METTL8: variants seen among roughly 807,000 people sequenced by gnomAD.
METTL8 encodes the protein tRNA N(3)-cytidine methyltransferase METTL8, mitochondrial.
METTL8 carries 32 observed loss-of-function variants against 48.7 expected under a neutral mutation model. The ratio of observed to expected loss-of-function variants is 0.66; its 90% confidence interval spans 0.50 to 0.88. The LOEUF is 0.88. Ranked by LOEUF, METTL8 falls within the 40% of genes least tolerant of loss-of-function variation. The pLI is 0.00. For missense variants in METTL8, 464 were observed against 474.4 expected, an observed-to-expected ratio of 0.98 and a Z score of 0.20; for synonymous variants, 136 against 157.1, an observed-to-expected ratio of 0.87 and a Z score of 1.01.
chr2:171,338,513 G>A (rs901025285), intron 4 of METTL8, among the ~76,000 whole-genome samples: 18 of 151,858 alleles, frequency 1.2e-4, no homozygotes, highest in South Asian at 2.1e-4. Context: ...GGTGGCAGGC[G>A]CCTGTAATCC....
chr2:171,340,763 G>A (rs1345768263), intron 3 of METTL8, among the ~76,000 whole-genome samples: 1 of 152,088 alleles, frequency 6.6e-6, no homozygotes. Context: ...AAATCCACTT[G>A]TTCCAAGTCC....
intron 1 of METTL8, among the ~76,000 whole-genome samples, chr2:171,398,001 A>T (rs1372436838): frequency 2.0e-5 from 3 of 152,204 alleles, no homozygotes; most frequent in African/African-American, 7.2e-5. Flanking sequence ...ATTGGTGAGG[A>T]TGTGGAGAAA....
At chr2:171,349,946 AC>A (rs763107068) in intron 3 of METTL8, among the ~76,000 whole-genome samples, 2 of 152,128 alleles carry the variant, frequency 1.3e-5, no homozygotes, top group Non-Finnish European at 2.9e-5. Context: ...ATATCCATCA[AC>A]CTAAATATTT....
chr2:171,336,430 C>T (rs1251283818), intron 5 of METTL8, among the ~76,000 whole-genome samples: 2 of 138,616 alleles, frequency 1.4e-5, no homozygotes, highest in South Asian at 2.4e-4. Context: ...TAGACGGAGT[C>T]TCACTCTGTC....
chr2:171,326,663 C>T (rs1684993344), intron 7 of METTL8, among the ~76,000 whole-genome samples: 1 of 152,076 alleles, frequency 6.6e-6, no homozygotes, highest in African/African-American at 2.4e-5. Flanking sequence ...ATTTTTCTTC[C>T]ACTGTCCTCT....
At chr2:171,370,014 C>A (rs1489410377) in intron 2 of METTL8, among the ~76,000 whole-genome samples, 1 of 150,602 alleles carries the variant, frequency 6.6e-6, no homozygotes, top group Non-Finnish European at 1.5e-5. Context: ...TGCAATGAGC[C>A]GAGATCATGC....
At position 171,375,314 on chromosome 2, in the gene METTL8, T is replaced by C. The variant is rs1686848831; in HGVS notation, c.144-14801A>G. On this transcript the variant is annotated intron_variant, in intron 2 of 9. Coordinates refer to ENST00000375258, the MANE Select transcript of METTL8 (RefSeq NM_001321154.2). ...CGGACCAGAGATATATGTTTATCTT[T>C]TAAAGAAACTGCCAAGTTCCTCGTT... 4 of 749,618 alleles carry C rather than the reference T, an allele frequency of 5.3e-6. No individual in the cohort carries two copies. The East Asian group carries it at 1.0e-4, about 19-fold the overall frequency. 46.4% of individuals were successfully genotyped at this position (749,618 alleles called of 1,614,324 possible). A position where few individuals can be genotyped will look rare whatever the true frequency, so the allele number is the denominator to read the frequency against.
intron 3 of METTL8, among the ~76,000 whole-genome samples, chr2:171,352,919 G>C (rs1470715415): frequency 6.6e-6 from 1 of 152,134 alleles, no homozygotes; most frequent in Non-Finnish European, 1.5e-5. Context: ...CAAAAAACCA[G>C]CTCCTGGATT....
upstream of METTL8, chr2:171,434,385 C>A: frequency 1.1e-6 from 1 of 927,830 alleles, no homozygotes; most frequent in Non-Finnish European, 1.7e-6. Context: ...CGCGCTCTGG[C>A]GGTGCAAGCG....
At chr2:171,397,352 T>C (rs1474972411) in intron 1 of METTL8, among the ~76,000 whole-genome samples, 1 of 11,690 alleles carries the variant, frequency 8.6e-5, no homozygotes, top group Non-Finnish European at 1.6e-4. Flanking sequence ...ACCCTGTCTC[T>C]AAAAAAAAAA....
At chr2:171,361,451 T>C (rs1457315731) in intron 2 of METTL8, among the ~76,000 whole-genome samples, 4 of 152,184 alleles carry the variant, frequency 2.6e-5, no homozygotes, top group Admixed American at 1.3e-4. Context: ...GGATAAATTA[T>C]ACAATTTTCT....
chr2:171,371,569 C>T (rs1464491401), intron 2 of METTL8, among the ~76,000 whole-genome samples: 2 of 151,978 alleles, frequency 1.3e-5, no homozygotes, highest in South Asian at 4.1e-4. Context: ...ATAGGCCAGG[C>T]TGGTCTTGAA....
intron 1 of METTL8, among the ~76,000 whole-genome samples, chr2:171,393,262 T>TA (rs925083705): frequency 4.0e-5 from 6 of 150,112 alleles, no homozygotes; most frequent in South Asian, 2.1e-4. Context: ...CTTCAAAAAA[T>TA]AAAAAAAAAT....
chr2:171,328,825 G>C (rs760604112), intron 7 of METTL8, among the ~76,000 whole-genome samples: 2 of 152,046 alleles, frequency 1.3e-5, no homozygotes, highest in Non-Finnish European at 2.9e-5. Context: ...AAGTAGCTGG[G>C]ACTACAGGTG....
At chr2:171,332,696 T>C (rs1455252113) in intron 5 of METTL8, 1 of 152,250 alleles carries the variant, frequency 6.6e-6, no homozygotes, top group East Asian at 1.9e-4. Flanking sequence ...ACAGTAAGGA[T>C]GGTCCTGGCT....
intron 2 of METTL8, among the ~76,000 whole-genome samples, chr2:171,384,679 A>T (rs528792463): frequency 1.3e-5 from 2 of 151,526 alleles, no homozygotes; most frequent in East Asian, 3.9e-4. Context: ...AAAAAATAAA[A>T]AATTAGCCAG....
Position 171,324,119 on chromosome 2 carries a change from T to C in METTL8, c.*53A>G. The C allele has an allele frequency of 8.1e-7, 1 of 1,232,470 alleles. No homozygotes were observed. The allele number at this position is 1,232,470 out of a possible 1,614,324, so 76.3% of individuals were successfully genotyped here. ...CTTTTGAGAAACAATAGACTTACAG[T>C]AGTCCTTGAATAGCACAGTCCTCTG... On this transcript the variant is annotated 3_prime_UTR_variant, in exon 10 of 10. Transcript: ENST00000375258.
intron 1 of METTL8, among the ~76,000 whole-genome samples, chr2:171,426,722 A>G (rs976015413): frequency 1.3e-5 from 2 of 152,228 alleles, no homozygotes; most frequent in Non-Finnish European, 2.9e-5. Flanking sequence ...AAACATAAGA[A>G]CCAAACTTGT....
intron 2 of METTL8, among the ~76,000 whole-genome samples, chr2:171,387,138 C>T (rs958340984): frequency 6.6e-6 from 1 of 151,490 alleles, no homozygotes; most frequent in Non-Finnish European, 1.5e-5. Flanking sequence ...TCTGTCTTTA[C>T]GATAAGGCAG....
Sources: allele counts gnomAD v4.1 joint callset (sites outside exome capture counted in the v4.1 genomes callset), GRCh38; gene constraint gnomAD v4.1.1; transcripts MANE v1.5; gene names NCBI Gene and HGNC (gene_info 2026-07-23, HGNC 2026-07-21).